The following MAP3K7CL variants were observed in gnomAD, a reference collection of about 807,000 sequenced individuals.
MAP3K7CL encodes MAP3K7 C-terminal-like protein.
A neutral mutation model predicts 18.6 loss-of-function variants in MAP3K7CL; 16 were observed. The observed-to-expected ratio is 0.86, with a 90% CI of 0.58 to 1.31. MAP3K7CL has a LOEUF of 1.31. Ranked by LOEUF, MAP3K7CL falls within the 50% of genes most tolerant of loss-of-function variation. The pLI is 0.00. For missense variants in MAP3K7CL, 163 were observed against 174.4 expected, an observed-to-expected ratio of 0.93 and a Z score of 0.37; for synonymous variants, 65 against 66.8, an observed-to-expected ratio of 0.97 and a Z score of 0.13.
At chr21:29,163,834 G>A (rs142216643) in intron 4 of MAP3K7CL, among the ~76,000 whole-genome samples, 60 of 151,818 alleles carry the variant, frequency 4.0e-4, no homozygotes, top group African/African-American at 1.3e-3. Flanking sequence ...TAGCTGGGAC[G>A]ACAGGTGCAT....
chr21:29,092,411 C>A, intron 3 of MAP3K7CL: 1 of 1,612,646 alleles, frequency 6.2e-7, no homozygotes, highest in Non-Finnish European at 8.5e-7. Flanking sequence ...CTCATCATGA[C>A]TTTGATTTGG....
intron 4 of MAP3K7CL, among the ~76,000 whole-genome samples, chr21:29,106,165 C>T (rs889734644): frequency 6.6e-6 from 1 of 152,112 alleles, no homozygotes; most frequent in Non-Finnish European, 1.5e-5. Context: ...GATAAGACTC[C>T]TTTGAAAGTA....
chr21:29,171,058 G>A (rs1169363762), intron 4 of MAP3K7CL, among the ~76,000 whole-genome samples: 1 of 151,552 alleles, frequency 6.6e-6, no homozygotes, highest in East Asian at 1.9e-4. Flanking sequence ...CTATGCTTAG[G>A]GACACAAAAC....
chr21:29,159,917 A>AAGG (rs1162411216), intron 3 of MAP3K7CL, 24 bp from the exon 4 acceptor site: 1 of 1,568,972 alleles, frequency 6.4e-7, no homozygotes, highest in East Asian at 2.2e-5. Context: ...GAAATGGACT[A>AAGG]ATTTCTTCTT....
intron 4 of MAP3K7CL, among the ~76,000 whole-genome samples, chr21:29,170,573 T>C (rs2087800264): frequency 6.6e-6 from 1 of 151,960 alleles, no homozygotes; most frequent in African/African-American, 2.4e-5. Context: ...AAGAGAAAAA[T>C]AGAACAGGAA....
intron 4 of MAP3K7CL, among the ~76,000 whole-genome samples, chr21:29,119,008 T>C (rs1403750844): frequency 6.6e-6 from 1 of 152,194 alleles, no homozygotes; most frequent in Non-Finnish European, 1.5e-5. Context: ...TTATGAGATG[T>C]GTTTGCATGA....
chr21:29,149,732 G>T (rs2087225983), intron 3 of MAP3K7CL, among the ~76,000 whole-genome samples: 1 of 152,144 alleles, frequency 6.6e-6, no homozygotes, highest in South Asian at 2.1e-4. Context: ...TAAACCTTCT[G>T]AAAATTGACT....
intron 1 of MAP3K7CL, chr21:29,080,680 T>G (rs1183774300): frequency 6.6e-6 from 1 of 152,164 alleles, no homozygotes; most frequent in African/African-American, 2.4e-5. Flanking sequence ...CCTCCCACCT[T>G]GCTGATCATT....
At chr21:29,120,956 C>T (rs1326114342) in intron 4 of MAP3K7CL, among the ~76,000 whole-genome samples, 2 of 149,932 alleles carry the variant, frequency 1.3e-5, no homozygotes, top group African/African-American at 4.9e-5. Context: ...GTTCCGGCTA[C>T]TTGGGAGTCT....
Position 29,124,657 on chromosome 21 carries a change from A to G in MAP3K7CL, c.371-24532A>G, listed in dbSNP as rs182745120. On this transcript the variant is annotated intron_variant, in intron 4 of 6. Transcript: ENST00000286791. Reference sequence around the variant, plus strand: ...AGTCTGTCCCACAGCCTGTTTTGGTATGACCCAGGAGCTAAGAATGGTTTT... The same window carrying G: ...AGTCTGTCCCACAGCCTGTTTTGGTGTGACCCAGGAGCTAAGAATGGTTTT... 6.6e-5 allele frequency among the ~76,000 whole-genome samples: 10 copies of G among 152,336 alleles called. No individual in the cohort carries two copies. In the East Asian group the frequency reaches 1.9e-3, roughly 29 times the overall value.
upstream of MAP3K7CL, among the ~76,000 whole-genome samples, chr21:29,083,979 T>C (rs1022964500): frequency 2.7e-5 from 4 of 147,228 alleles, no homozygotes; most frequent in Non-Finnish European, 6.0e-5. Flanking sequence ...TAATTGTATA[T>C]AACATATGTA....
intron 1 of MAP3K7CL, among the ~76,000 whole-genome samples, chr21:29,086,232 C>G (rs368983644): frequency 1.3e-5 from 2 of 152,268 alleles, no homozygotes; most frequent in East Asian, 1.9e-4. Flanking sequence ...ATTTAGTAAA[C>G]TAAATGATCC....
intron 4 of MAP3K7CL, among the ~76,000 whole-genome samples, chr21:29,163,822 A>T (rs985462919): frequency 2.0e-5 from 3 of 151,782 alleles, no homozygotes; most frequent in African/African-American, 7.3e-5. Context: ...CAGCCTCTTG[A>T]ATAGCTGGGA....
At chr21:29,144,771 C>T (rs1426149872) in intron 2 of MAP3K7CL, among the ~76,000 whole-genome samples, 1 of 152,172 alleles carries the variant, frequency 6.6e-6, no homozygotes, top group African/African-American at 2.4e-5. Flanking sequence ...GGATTACAGA[C>T]CCAATGTGTC....
At chr21:29,173,604 G>A (rs1038786466) in intron 4 of MAP3K7CL, among the ~76,000 whole-genome samples, 1 of 152,158 alleles carries the variant, frequency 6.6e-6, no homozygotes, top group Non-Finnish European at 1.5e-5. Context: ...ATTTTGTCTA[G>A]GTTAGGATTA....
chr21:29,086,362 G>A (rs957837294), intron 1 of MAP3K7CL, among the ~76,000 whole-genome samples: 7 of 152,070 alleles, frequency 4.6e-5, no homozygotes, highest in African/African-American at 7.3e-5. Context: ...TGAACTTCTC[G>A]AGGTTCATGG....
intron 4 of MAP3K7CL, among the ~76,000 whole-genome samples, chr21:29,161,215 C>T (rs1224313321): frequency 6.6e-6 from 1 of 152,162 alleles, no homozygotes; most frequent in Non-Finnish European, 1.5e-5. Flanking sequence ...GAGGCTGAGG[C>T]AGGAGAATCG....
chr21:29,118,621 T>C (rs576924490), intron 4 of MAP3K7CL, among the ~76,000 whole-genome samples: 1 of 151,966 alleles, frequency 6.6e-6, no homozygotes, highest in South Asian at 2.1e-4. Context: ...GTGACAGGAG[T>C]GAGGGCCTTG....
rs5843369 is a variant in MAP3K7CL at position 29,139,895 on chromosome 21, CTTTTTTT to C, written c.70+6500_70+6506del. 1.6e-3 allele frequency among the ~76,000 whole-genome samples: 108 copies of C among 67,368 alleles called. 1 individual carries two copies. The highest frequency in any genetic ancestry group is 5.4e-3 in the African/African-American group (97 of 18,118). The allele number at this position is 67,368 out of a possible 152,430, so 44.2% of individuals were successfully genotyped here. On this transcript the variant is annotated intron_variant, in intron 2 of 4. Transcript: ENST00000399928. ...CACGACGCCCAGGCCCCATCTCTGG[CTTTTTTT>C]TTTTTTTTTTTTTTTTTTGGCATAT...
Sources: allele counts gnomAD v4.1 joint callset (sites outside exome capture counted in the v4.1 genomes callset), GRCh38; gene constraint gnomAD v4.1.1; transcripts MANE v1.5; gene names NCBI Gene and HGNC (gene_info 2026-07-23, HGNC 2026-07-21).